PRKCE: variants seen among roughly 807,000 people sequenced by gnomAD.
PRKCE encodes the protein protein kinase C epsilon, also known as protein kinase C epsilon type.
PRKCE carries 16 observed loss-of-function variants against 85.4 expected under a neutral mutation model. The ratio of observed to expected loss-of-function variants is 0.19; its 90% CI spans 0.13 to 0.28. The LOEUF (loss-of-function observed/expected upper bound fraction) is 0.28. Among genes scored for constraint, PRKCE ranks in the 10% least tolerant of loss-of-function variants. The pLI is 1.00. For synonymous variants in PRKCE, 388 were observed against 371.5 expected, an observed-to-expected ratio of 1.04 and a Z score of -0.51; for missense variants, 573 against 975.2, an observed-to-expected ratio of 0.59 and a Z score of 5.49.
chr2:46,165,552 A>G (rs888608613), intron 14 of PRKCE, among the ~76,000 whole-genome samples: 16 of 152,200 alleles, frequency 1.1e-4, no homozygotes, highest in Admixed American at 3.3e-4. Context: ...CCCATTGGGG[A>G]TTTCATCCCA....
intron 1 of PRKCE, among the ~76,000 whole-genome samples, chr2:45,655,201 T>G (rs1675320795): frequency 6.6e-6 from 1 of 152,178 alleles, no homozygotes; most frequent in South Asian, 2.1e-4. Flanking sequence ...CTCAAGGGGC[T>G]TCCATTTCAC....
chr2:45,984,702 C>A, intron 6 of PRKCE, 22 bp downstream of exon 6: 4 of 1,588,810 alleles, frequency 2.5e-6, no homozygotes, highest in Non-Finnish European at 2.6e-6. Flanking sequence ...CCTGCCCTGC[C>A]CTCAGCCCCT....
intron 10 of PRKCE, among the ~76,000 whole-genome samples, chr2:46,027,462 C>G (rs1431264979): frequency 1.3e-5 from 2 of 152,122 alleles, no homozygotes; most frequent in Non-Finnish European, 2.9e-5. Context: ...AGGCCAGCAA[C>G]CATGTTCTAT....
At chr2:46,023,228 C>T (rs1005550665) in intron 10 of PRKCE, among the ~76,000 whole-genome samples, 2 of 152,128 alleles carry the variant, frequency 1.3e-5, no homozygotes, top group African/African-American at 4.8e-5. Flanking sequence ...ATTGAGACTA[C>T]CTGAGTCTAC....
intron 1 of PRKCE, among the ~76,000 whole-genome samples, chr2:45,677,517 C>T (rs1023563871): frequency 2.6e-5 from 4 of 151,986 alleles, no homozygotes; most frequent in African/African-American, 4.8e-5. Context: ...CCACCGCGCC[C>T]GGCTAATTTT....
At chr2:45,676,962 T>C (rs901203200) in intron 1 of PRKCE, 4 of 152,082 alleles carry the variant, frequency 2.6e-5, no homozygotes, top group African/African-American at 7.2e-5. Flanking sequence ...TATGACATAG[T>C]TCATAAAGCC....
intron 1 of PRKCE, among the ~76,000 whole-genome samples, chr2:45,671,083 T>C (rs1449584683): frequency 1.3e-5 from 2 of 152,220 alleles, no homozygotes; most frequent in Non-Finnish European, 2.9e-5. Context: ...TGGAGAGTTT[T>C]GTACCTTCTG....
chr2:45,962,623 CTA>C (rs1400974461), intron 2 of PRKCE, among the ~76,000 whole-genome samples: 1 of 152,212 alleles, frequency 6.6e-6, no homozygotes, highest in Non-Finnish European at 1.5e-5. Context: ...CACACAGTGA[CTA>C]TTCTTTTCCC....
chr2:46,146,149 T>G (rs1676049082), intron 12 of PRKCE, among the ~76,000 whole-genome samples: 1 of 152,254 alleles, frequency 6.6e-6, no homozygotes, highest in African/African-American at 2.4e-5. Flanking sequence ...ATGAAGTGTT[T>G]GTTTGCCTTA....
At chr2:45,811,059 C>A (rs1439360611) in intron 1 of PRKCE, among the ~76,000 whole-genome samples, 1 of 152,128 alleles carries the variant, frequency 6.6e-6, no homozygotes, top group Admixed American at 6.5e-5. Flanking sequence ...TTGTTTGTAT[C>A]CTATGGCGAG....
chr2:45,902,174 C>A (rs1433475413), intron 2 of PRKCE, among the ~76,000 whole-genome samples: 1 of 152,144 alleles, frequency 6.6e-6, no homozygotes, highest in African/African-American at 2.4e-5. Context: ...GGAGGTGTAG[C>A]AATATGGGCC....
intron 11 of PRKCE, among the ~76,000 whole-genome samples, chr2:46,093,592 A>G (rs2345953): frequency 0.56 from 83,407 of 149,988 alleles, 24,627 homozygotes; most frequent in East Asian, 0.83. Flanking sequence ...GCAGTGTTAC[A>G]ATGATAGCTC....
At chr2:46,143,656 A>G (rs963651546) in intron 11 of PRKCE, among the ~76,000 whole-genome samples, 1 of 152,084 alleles carries the variant, frequency 6.6e-6, no homozygotes, top group Non-Finnish European at 1.5e-5. Context: ...TCACTGCTCC[A>G]TCACCCACAG....
At chr2:45,964,724 A>T (rs1701618783) in intron 2 of PRKCE, among the ~76,000 whole-genome samples, 1 of 152,234 alleles carries the variant, frequency 6.6e-6, no homozygotes, top group African/African-American at 2.4e-5. Context: ...TGTTCAACAC[A>T]GTGTGCTTGG....
intron 1 of PRKCE, among the ~76,000 whole-genome samples, chr2:45,837,684 C>T (rs915726492): frequency 6.6e-6 from 1 of 152,100 alleles, no homozygotes; most frequent in Non-Finnish European, 1.5e-5. Flanking sequence ...ATATAATGGC[C>T]ACCTATCTTC....
chr2:45,747,172 T>A (rs1683207043), intron 1 of PRKCE, among the ~76,000 whole-genome samples: 1 of 152,212 alleles, frequency 6.6e-6, no homozygotes, highest in Non-Finnish European at 1.5e-5. Flanking sequence ...AACAACTGGG[T>A]ATTTTTTTTG....
chr2:45,910,285 G>A (rs183181854), intron 2 of PRKCE, among the ~76,000 whole-genome samples: 109 of 152,304 alleles, frequency 7.2e-4, no homozygotes, highest in African/African-American at 2.4e-3. Flanking sequence ...AGTCCCAGTG[G>A]CTGTGTGCAG....
intron 2 of PRKCE, among the ~76,000 whole-genome samples, chr2:45,861,504 A>G (rs771911123): frequency 1.3e-5 from 2 of 152,294 alleles, no homozygotes; most frequent in East Asian, 1.9e-4. Context: ...GCAAAAAAAT[A>G]TAGAGTAGAA....
At chr2:45,654,120 G>C (rs1477251527) in intron 1 of PRKCE, among the ~76,000 whole-genome samples, 1 of 152,256 alleles carries the variant, frequency 6.6e-6, no homozygotes, top group Admixed American at 6.5e-5. Context: ...GGAGATGGGA[G>C]CCTTTTGCAG....
Sources: allele counts gnomAD v4.1 joint callset (sites outside exome capture counted in the v4.1 genomes callset), GRCh38; gene constraint gnomAD v4.1.1; transcripts MANE v1.5; gene names NCBI Gene and HGNC (gene_info 2026-07-23, HGNC 2026-07-21).